The following RTTN variants were observed in gnomAD, a reference collection of about 807,000 sequenced individuals.
The protein encoded by RTTN is rotatin.
RTTN carries 182 observed loss-of-function variants against 269.2 expected under a neutral mutation model. The observed-to-expected ratio is 0.68, with a 90% CI of 0.60 to 0.76. The LOEUF is 0.76. RTTN is among the 30% of genes least tolerant of loss of function. The pLI, the probability that RTTN is intolerant of heterozygous loss-of-function variation, is 0.00. For synonymous variants in RTTN, 1,006 were observed against 963.5 expected (o/e 1.04, Z -0.82); for missense variants, 2,545 against 2,608.6 (o/e 0.98, Z 0.53).
At chr18:70,145,806 T>C in intron 17 of RTTN, 23 bp from the exon 18 acceptor site, 1 of 1,571,810 alleles carries the variant, frequency 6.4e-7, no homozygotes, top group Non-Finnish European at 8.6e-7. Flanking sequence ...AGTACTTAAG[T>C]CGAACTTTCG....
chr18:70,063,918 C>T (rs912822004), intron 35 of RTTN, among the ~76,000 whole-genome samples: 3 of 150,376 alleles, frequency 2.0e-5, no homozygotes, highest in African/African-American at 7.3e-5. Context: ...GAGGATTCAT[C>T]CTCTGTTCAT....
In RTTN at chr18:70,127,552, A is replaced by G. The variant is rs1200334569; in HGVS notation, c.3333T>C (p.Gly1111=). The part of the protein sequence containing the change: ...NDRLSLKGCP[G]PCGVTLKSLA... Reference sequence around the variant, plus strand: ...AGGACTTCAAGGTAACCCCACATGGACCAGGGCAACCCTTTAAAGACAATC... The same window carrying G: ...AGGACTTCAAGGTAACCCCACATGGGCCAGGGCAACCCTTTAAAGACAATC... The change falls in exon 25 of 49, where the codon GGT becomes GGC. Residue 1111 remains glycine, a synonymous_variant. Coordinates refer to ENST00000640769, the MANE Select transcript of RTTN (RefSeq NM_173630.4). 6.2e-7 allele frequency: 1 copy of G among 1,613,398 alleles called. No individual in the cohort carries two copies. Among genetic ancestry groups the G allele is most frequent in the Non-Finnish European group, 8.5e-7 (1 of 1,179,700 alleles).
At chr18:70,167,101 A>C in intron 12 of RTTN, 70 bp from the exon 13 acceptor site, 3 of 955,646 alleles carry the variant, frequency 3.1e-6, no homozygotes, top group South Asian at 1.4e-5. Context: ...CAGCTAACTA[A>C]GCAGCTTCAA....
chr18:70,132,218 C>G (rs567917047), intron 23 of RTTN, among the ~76,000 whole-genome samples: 2 of 152,134 alleles, frequency 1.3e-5, no homozygotes, highest in African/African-American at 2.4e-5. Flanking sequence ...TAACATGCCT[C>G]TCTGCTACCT....
At chr18:70,179,028 G>C (rs1360649977) in intron 10 of RTTN, among the ~76,000 whole-genome samples, 1 of 151,978 alleles carries the variant, frequency 6.6e-6, no homozygotes, top group East Asian at 1.9e-4. Flanking sequence ...AAGAAACACT[G>C]ACAAAAATTA....
At chr18:70,149,446 G>C (rs2060480912) in intron 16 of RTTN, among the ~76,000 whole-genome samples, 1 of 151,000 alleles carries the variant, frequency 6.6e-6, no homozygotes, top group East Asian at 2.0e-4. Flanking sequence ...TCTTCTAAAA[G>C]AGGACTGTGC....
At chr18:70,081,277 T>C (rs983498959) in intron 32 of RTTN, among the ~76,000 whole-genome samples, 1 of 151,854 alleles carries the variant, frequency 6.6e-6, no homozygotes, top group Admixed American at 6.6e-5. Flanking sequence ...ACTAAAGAAC[T>C]TACTCATGTA....
Position 70,079,048 on chromosome 18 carries a change from G to T in RTTN, c.4375-3507C>A, listed in dbSNP as rs1563961. The stretch of plus-strand genomic sequence containing the variant: ...ATTGTGTACATGAGCTAAATCCTTA[G>T]GTACTAAAGTAGTGTATGAATAAAT... On this transcript the variant is annotated intron_variant, in intron 32 of 48. Coordinates refer to ENST00000640769, the MANE Select transcript of RTTN (RefSeq NM_173630.4). 7.8e-4 allele frequency among the ~76,000 whole-genome samples: 118 copies of T among 152,078 alleles called. No homozygotes were observed. In the East Asian group the frequency reaches 0.015, roughly 19 times the overall value.
intron 10 of RTTN, among the ~76,000 whole-genome samples, chr18:70,179,206 C>T (rs1282525914): frequency 6.6e-6 from 1 of 152,110 alleles, no homozygotes; most frequent in Non-Finnish European, 1.5e-5. Context: ...CAAACAACTA[C>T]TGGTCTAGAG....
intron 11 of RTTN, among the ~76,000 whole-genome samples, chr18:70,173,762 C>T (rs7232306): frequency 0.73 from 110,473 of 152,162 alleles, 46,822 homozygotes; most frequent in East Asian, 1. Flanking sequence ...TTTAAAAATA[C>T]AGTCAGTAAG....
rs746468287 is a variant in RTTN at position 70,190,749 on chromosome 18, A to C, written c.1008-30T>G. On this transcript the variant is annotated intron_variant, in intron 8 of 48. Transcript: ENST00000640769. Reference sequence around the variant, plus strand: ...AAGATAAACAAATGATAAACCTTGCATACAGAAACAATCCCCAAACAGATT... The same window carrying C: ...AAGATAAACAAATGATAAACCTTGCCTACAGAAACAATCCCCAAACAGATT... 3 of 1,523,452 alleles carry C rather than the reference A, an allele frequency of 2.0e-6. No homozygotes were observed. In the East Asian group the frequency reaches 6.8e-5, roughly 35 times the overall value. The allele number at this position is 1,523,452 out of a possible 1,614,324, so 94.4% of individuals were successfully genotyped here.
At chr18:70,157,959 C>T (rs923041637) in intron 14 of RTTN, among the ~76,000 whole-genome samples, 11 of 149,584 alleles carry the variant, frequency 7.4e-5, no homozygotes, top group Admixed American at 2.7e-4. Context: ...GTAAACAAAA[C>T]GAACCTAACA....
At chr18:70,085,353 A>G (rs2058674727) in intron 32 of RTTN, among the ~76,000 whole-genome samples, 1 of 152,174 alleles carries the variant, frequency 6.6e-6, no homozygotes, top group Non-Finnish European at 1.5e-5. Context: ...CTGGGTTTGT[A>G]AAGTTTGGAG....
rs773526221 is a variant in RTTN, at chr18:70,168,840, A to T, written c.1689+15T>A. On this transcript the variant is annotated intron_variant, in intron 12 of 48. Coordinates refer to ENST00000640769, the MANE Select transcript of RTTN (RefSeq NM_173630.4). Reference sequence around the variant, plus strand: ...GTCAAAGGGATTTAAAAGAGATATTAAAAAAGCTTTTTACCTCTTTCCCAA... The same window carrying T: ...GTCAAAGGGATTTAAAAGAGATATTTAAAAAGCTTTTTACCTCTTTCCCAA... The T allele has an allele frequency of 2.6e-6, 4 of 1,566,910 alleles. No individual in the cohort carries two copies. Among genetic ancestry groups the T allele is most frequent in the Non-Finnish European group, 3.5e-6 (4 of 1,151,958 alleles).
At chr18:70,154,965 C>G (rs185848154) in intron 14 of RTTN, among the ~76,000 whole-genome samples, 1 of 152,112 alleles carries the variant, frequency 6.6e-6, no homozygotes, top group Non-Finnish European at 1.5e-5. Flanking sequence ...CATTCAACAT[C>G]TCACTTTCAA....
At chr18:70,098,376 T>C (rs1449627224) in intron 28 of RTTN, among the ~76,000 whole-genome samples, 10 of 151,920 alleles carry the variant, frequency 6.6e-5, no homozygotes. Context: ...CTGAAGGAAA[T>C]CAAGATATGA....
chr18:70,192,734 C>T (rs2061706196), intron 8 of RTTN, among the ~76,000 whole-genome samples: 1 of 150,922 alleles, frequency 6.6e-6, no homozygotes, highest in Non-Finnish European at 1.5e-5. Context: ...AAATTGTTCA[C>T]CTTGAAGGAG....
intron 46 of RTTN, among the ~76,000 whole-genome samples, chr18:70,017,166 C>CCCTTCCT (rs2056565581): frequency 6.6e-6 from 1 of 152,070 alleles, no homozygotes; most frequent in Non-Finnish European, 1.5e-5. Context: ...TCCACGGCTC[C>CCCTTCCT]CCTTCCTCCA....
At chr18:70,016,152 T>C (rs1202691650) in intron 46 of RTTN, among the ~76,000 whole-genome samples, 2 of 152,198 alleles carry the variant, frequency 1.3e-5, no homozygotes, top group African/African-American at 4.8e-5. Flanking sequence ...TTCTATATCA[T>C]ATCTAGCAGT....
Sources: allele counts gnomAD v4.1 joint callset (sites outside exome capture counted in the v4.1 genomes callset), GRCh38; gene constraint gnomAD v4.1.1; transcripts MANE v1.5; gene names NCBI Gene and HGNC (gene_info 2026-07-23, HGNC 2026-07-21).